The following BCL2L1 variants were observed in gnomAD, a reference collection of about 807,000 sequenced individuals.
The protein encoded by BCL2L1 is bcl-2-like protein 1.
Under a neutral mutation model 18.7 loss-of-function variants are expected in BCL2L1, and 1 was observed. The ratio of observed to expected loss-of-function variants is 0.05; its 90% CI spans 0.02 to 0.25. The LOEUF (loss-of-function observed/expected upper bound fraction) is 0.25, where lower values mean the gene tolerates loss of function less well. Ranked by LOEUF, BCL2L1 falls within the 10% of genes least tolerant of loss-of-function variation. The probability of loss-of-function intolerance (pLI) is 1.00; values close to 1 mark genes in which losing one functional copy is unlikely to be tolerated. For synonymous variants in BCL2L1, 103 were observed against 122.7 expected, an observed-to-expected ratio of 0.84 and a Z score of 1.06; for missense variants, 207 against 304.9, an observed-to-expected ratio of 0.68 and a Z score of 2.39.
chr20:31,704,104 C>A (rs1404033741), intron 2 of BCL2L1, among the ~76,000 whole-genome samples: 2 of 114,192 alleles, frequency 1.8e-5, no homozygotes, highest in Non-Finnish European at 3.6e-5. Flanking sequence ...GGCCCTAAAC[C>A]TTTTTTTTTT....
chr20:31,668,579 C>T (rs921213806), intron 2 of BCL2L1, among the ~76,000 whole-genome samples: 2 of 150,590 alleles, frequency 1.3e-5, no homozygotes, highest in African/African-American at 4.9e-5. Flanking sequence ...GCTGGGATTA[C>T]AGGCACGAGC....
intron 2 of BCL2L1, among the ~76,000 whole-genome samples, chr20:31,677,748 G>A (rs2060787011): frequency 6.6e-6 from 1 of 152,116 alleles, no homozygotes; most frequent in Non-Finnish European, 1.5e-5. Flanking sequence ...GCCCACACTG[G>A]TGCTTCTACC....
At chr20:31,683,143 C>A (rs1228121773) in intron 2 of BCL2L1, among the ~76,000 whole-genome samples, 2 of 152,158 alleles carry the variant, frequency 1.3e-5, no homozygotes, top group Non-Finnish European at 2.9e-5. Flanking sequence ...GAGGAAGAAC[C>A]AAAATGTCTC....
chr20:31,690,465 A>G (rs1187347493), intron 2 of BCL2L1, among the ~76,000 whole-genome samples: 1 of 152,162 alleles, frequency 6.6e-6, no homozygotes, highest in African/African-American at 2.4e-5. Context: ...CCATCATTCA[A>G]CTTCAACAAG....
chr20:31,664,462 C>T lies in BCL2L1; in HGVS notation c.*1487G>A, dbSNP rs1030742158. On this transcript the variant is annotated 3_prime_UTR_variant, in exon 3 of 3. Coordinates refer to ENST00000307677, the MANE Select transcript of BCL2L1 (RefSeq NM_138578.3). The stretch of plus-strand genomic sequence containing the variant: ...CACAAGAGCCCAGGCTCTTTGTTCA[C>T]TGAGTAAACACAGTTTATTACTGAA... 2.8e-5 allele frequency: 5 copies of T among 178,502 alleles called. No individual in the cohort carries two copies. Among genetic ancestry groups the T allele is most frequent in the African/African-American group, 4.7e-5 (2 of 42,260 alleles). 11.1% of individuals were successfully genotyped at this position (178,502 alleles called of 1,614,324 possible).
intron 2 of BCL2L1, among the ~76,000 whole-genome samples, chr20:31,704,125 A>G: frequency 1.1e-5 from 1 of 94,178 alleles, no homozygotes; most frequent in Non-Finnish European, 2.0e-5. Context: ...TTTTTTTGAG[A>G]CGGAGTCTCT....
intron 2 of BCL2L1, among the ~76,000 whole-genome samples, chr20:31,697,892 G>GTTTTTTTTTTTTTTTTTTTTTTTTTGTTT (rs199575410): frequency 7.7e-6 from 1 of 129,640 alleles, no homozygotes; most frequent in African/African-American, 3.3e-5. Context: ...TGCTGTTGCT[G>GTTTTTTTTTTTTTTTTTTTTTTTTTGTTT]TTTTTTTTTT....
Position 31,720,765 on chromosome 20 carries a change from C to G in BCL2L1, c.564+890G>C, listed in dbSNP as rs1350221498. 5 of 985,324 alleles carry G rather than the reference C, an allele frequency of 5.1e-6. No individual in the cohort carries two copies. In the Admixed American group the frequency reaches 3.1e-4, roughly 61 times the overall value. The allele number at this position is 985,324 out of a possible 1,614,324, so 61.0% of individuals were successfully genotyped here. A position where few individuals can be genotyped will look rare whatever the true frequency, so the allele number is the denominator to read the frequency against. On this transcript the variant is annotated intron_variant, in intron 2 of 2. Coordinates refer to ENST00000307677, the MANE Select transcript of BCL2L1 (RefSeq NM_138578.3). The stretch of plus-strand genomic sequence containing the variant: ...AGCTAGTTACATGACAGAACTGGAA[C>G]TTATACCTGCATGTGAAGTCTGTTA...
At chr20:31,670,283 G>A (rs1034318438) in intron 2 of BCL2L1, among the ~76,000 whole-genome samples, 3 of 152,204 alleles carry the variant, frequency 2.0e-5, no homozygotes, top group Non-Finnish European at 4.4e-5. Context: ...GTACACCCAG[G>A]TGGAGTCACA....
At chr20:31,676,230 A>G (rs2060757449) in intron 2 of BCL2L1, among the ~76,000 whole-genome samples, 1 of 152,212 alleles carries the variant, frequency 6.6e-6, no homozygotes, top group South Asian at 2.1e-4. Flanking sequence ...GCTGATGTTT[A>G]CTAAGTACCA....
intron 2 of BCL2L1, among the ~76,000 whole-genome samples, chr20:31,683,246 G>A (rs1223064604): frequency 2.6e-5 from 4 of 152,100 alleles, no homozygotes; most frequent in Non-Finnish European, 5.9e-5. Flanking sequence ...CCTCAAACAT[G>A]CCAGGCACAC....
chr20:31,692,321 C>T (rs980790705), intron 2 of BCL2L1, among the ~76,000 whole-genome samples: 2 of 152,166 alleles, frequency 1.3e-5, no homozygotes, highest in Non-Finnish European at 1.5e-5. Context: ...ACCCAAATAA[C>T]CACTGACAGC....
chr20:31,668,828 C>T (rs2060625597), intron 2 of BCL2L1, among the ~76,000 whole-genome samples: 1 of 151,562 alleles, frequency 6.6e-6, no homozygotes, highest in Non-Finnish European at 1.5e-5. Context: ...TGGTTTCAAA[C>T]TCCTGACCTC....
Position 31,697,598 on chromosome 20 carries a change from C to T in BCL2L1, c.564+24057G>A, listed in dbSNP as rs144948218. 6.7e-3 allele frequency among the ~76,000 whole-genome samples: 1,011 copies of T among 152,014 alleles called. 8 individuals carry two copies. Among genetic ancestry groups the T allele is most frequent in the African/African-American group, 0.023 (948 of 41,490 alleles). On this transcript the variant is annotated intron_variant, in intron 2 of 2. Transcript: ENST00000307677. The stretch of plus-strand genomic sequence containing the variant: ...GACTGCAGGTGCCCGCCACCACGCC[C>T]GGCTAATTTTTTGTATTTTTAGTAG...
At chr20:31,716,375 A>T (rs1358494675) in intron 2 of BCL2L1, among the ~76,000 whole-genome samples, 1 of 152,166 alleles carries the variant, frequency 6.6e-6, no homozygotes, top group Admixed American at 6.5e-5. Context: ...CATCTGATAT[A>T]AACATGTAAT....
intron 2 of BCL2L1, among the ~76,000 whole-genome samples, chr20:31,699,669 G>C (rs1043835717): frequency 3.3e-5 from 5 of 152,218 alleles, no homozygotes; most frequent in African/African-American, 1.2e-4. Flanking sequence ...CCTGGCTTTA[G>C]AGCCAGCCCA....
chr20:31,707,254 A>G (rs2061381595), intron 2 of BCL2L1, among the ~76,000 whole-genome samples: 1 of 152,132 alleles, frequency 6.6e-6, no homozygotes, highest in Admixed American at 6.5e-5. Context: ...GTACCTTAAA[A>G]TCTCTAAACT....
chr20:31,714,994 G>T (rs912236057), intron 2 of BCL2L1, among the ~76,000 whole-genome samples: 4 of 152,162 alleles, frequency 2.6e-5, no homozygotes, highest in Non-Finnish European at 4.4e-5. Context: ...TACAGACCAG[G>T]CCTGGCACGG....
intron 2 of BCL2L1, among the ~76,000 whole-genome samples, chr20:31,715,271 CAAAAA>C (rs567772766): frequency 1.1e-5 from 1 of 92,964 alleles, no homozygotes; most frequent in African/African-American, 3.9e-5. Context: ...GACTCTGTCT[CAAAAA>C]AAAAAAAAAA....
Sources: allele counts gnomAD v4.1 joint callset (sites outside exome capture counted in the v4.1 genomes callset), GRCh38; gene constraint gnomAD v4.1.1; transcripts MANE v1.5; gene names NCBI Gene and HGNC (gene_info 2026-07-23, HGNC 2026-07-21).